Variants in SOX5 observed in about 807,000 individuals in gnomAD.
SOX5 encodes SRY-box transcription factor 5, also known as transcription factor SOX-5.
A neutral mutation model predicts 92.0 loss-of-function variants in SOX5; 9 were observed. That is an observed-to-expected ratio of 0.10 (90% CI 0.06 to 0.17). The LOEUF (loss-of-function observed/expected upper bound fraction) is 0.17, where lower values mean the gene tolerates loss of function less well. Among genes scored for constraint, SOX5 ranks in the 10% least tolerant of loss-of-function variants. The pLI is 1.00. For missense variants in SOX5, 642 were observed against 944.5 expected (o/e 0.68, Z 4.20); for synonymous variants, 344 against 336.3 (o/e 1.02, Z -0.25).
At chr12:23,847,524 G>A (rs572642094) in intron 2 of SOX5, among the ~76,000 whole-genome samples, 3 of 151,914 alleles carry the variant, frequency 2.0e-5, no homozygotes, top group Admixed American at 2.0e-4. Context: ...GTGTAATTTT[G>A]AAAAATAGAT....
At chr12:23,924,074 T>TA (rs1363123094) in intron 1 of SOX5, among the ~76,000 whole-genome samples, 1 of 152,174 alleles carries the variant, frequency 6.6e-6, no homozygotes, top group Non-Finnish European at 1.5e-5. Context: ...AAATGTTGCC[T>TA]AAAAAAGGCT....
chr12:24,543,117 T>C (rs1244683167), intron 1 of SOX5, among the ~76,000 whole-genome samples: 3 of 152,204 alleles, frequency 2.0e-5, no homozygotes, highest in African/African-American at 7.2e-5. Flanking sequence ...TTTGTGATTT[T>C]TAAAAGAATG....
At chr12:24,506,782 G>GTTTTTTTTTTTTTTTTTTTTTT (rs1386116375) in intron 1 of SOX5, among the ~76,000 whole-genome samples, 2 of 80,274 alleles carry the variant, frequency 2.5e-5, no homozygotes, top group Middle Eastern at 7.5e-3. Context: ...TATCCAAATG[G>GTTTTTTTTTTTTTTTTTTTTTT]TCTTTTTTTT....
intron 1 of SOX5, among the ~76,000 whole-genome samples, chr12:24,418,288 C>A (rs868770752): frequency 1.3e-5 from 2 of 152,194 alleles, no homozygotes; most frequent in Admixed American, 6.5e-5. Context: ...TGACTCCAAA[C>A]CCTGAAGTAG....
intron 1 of SOX5, among the ~76,000 whole-genome samples, chr12:23,923,231 G>A (rs1222234910): frequency 6.6e-6 from 1 of 152,044 alleles, no homozygotes; most frequent in Non-Finnish European, 1.5e-5. Context: ...GATTACAGGC[G>A]TGAGCCTCCA....
At position 24,400,208 on chromosome 12, in the gene SOX5, T is replaced by G. The variant is rs149921705; in HGVS notation, c.-250-31569A>C. ...TTAGAAGTCAAATTTCAGTTGAAAC[T>G]TTCAAGATAGATGGCACAATCTCTG... is the stretch of plus-strand genomic sequence containing the variant. On this transcript the variant is annotated intron_variant, in intron 1 of 4. Coordinates refer to the SOX5 transcript ENST00000446891. 2.8e-3 allele frequency among the ~76,000 whole-genome samples: 425 copies of G among 152,352 alleles called. 2 individuals carry two copies. Among genetic ancestry groups the G allele is most frequent in the Non-Finnish European group, 2.6e-3 (174 of 68,032 alleles).
intron 4 of SOX5, among the ~76,000 whole-genome samples, chr12:24,073,952 A>G: frequency 6.6e-6 from 1 of 152,138 alleles, no homozygotes; most frequent in East Asian, 1.9e-4. Flanking sequence ...GACAGAGAAA[A>G]GGTGAGACTT....
At chr12:23,555,002 C>G (rs1208677648) in intron 11 of SOX5, among the ~76,000 whole-genome samples, 2 of 151,978 alleles carry the variant, frequency 1.3e-5, no homozygotes, top group Non-Finnish European at 2.9e-5. Flanking sequence ...ATAGGCTAGG[C>G]TTTTATAAAG....
chr12:23,538,569 T>TA (rs1313841551), intron 13 of SOX5, among the ~76,000 whole-genome samples: 4 of 152,160 alleles, frequency 2.6e-5, no homozygotes, highest in African/African-American at 9.7e-5. Flanking sequence ...AGGGCCTATA[T>TA]AAACACAGAT....
At chr12:24,476,105 T>G (rs1455184737) in intron 1 of SOX5, among the ~76,000 whole-genome samples, 4 of 152,100 alleles carry the variant, frequency 2.6e-5, no homozygotes, top group African/African-American at 4.8e-5. Flanking sequence ...ACAAGCATGG[T>G]GTGGGGACCA....
intron 1 of SOX5, among the ~76,000 whole-genome samples, chr12:23,911,625 C>T (rs2097352761): frequency 1.3e-5 from 2 of 151,970 alleles, no homozygotes; most frequent in African/African-American, 4.8e-5. Context: ...CTTACAGTTC[C>T]TTGCAGAGCA....
chr12:23,884,554 G>C lies in SOX5; in HGVS notation c.270+11239C>G, dbSNP rs573285393. On this transcript the variant is annotated intron_variant, in intron 2 of 14. Coordinates refer to ENST00000451604, the MANE Select transcript of SOX5 (RefSeq NM_006940.6). ...AGGGTAAAATAAAAAATCAAGTAAA[G>C]ATTGTTCTACCTGCCTCCCCCACAA... 2.0e-5 allele frequency among the ~76,000 whole-genome samples: 3 copies of C among 152,212 alleles called. 1 individual carries two copies. The highest frequency in any genetic ancestry group is 4.1e-4 in the South Asian group (2 of 4,830).
intron 1 of SOX5, among the ~76,000 whole-genome samples, chr12:24,380,745 G>A (rs2136354964): frequency 6.6e-6 from 1 of 152,254 alleles, no homozygotes; most frequent in Admixed American, 6.5e-5. Flanking sequence ...TTTTTTTAAA[G>A]GAGGGCACAA....
At chr12:23,833,779 G>A (rs1186526348) in intron 3 of SOX5, among the ~76,000 whole-genome samples, 1 of 151,938 alleles carries the variant, frequency 6.6e-6, no homozygotes, top group African/African-American at 2.4e-5. Context: ...GAAGATTGGA[G>A]AAGATGGAAT....
intron 1 of SOX5, among the ~76,000 whole-genome samples, chr12:24,432,698 G>A (rs1223215652): frequency 2.0e-5 from 3 of 152,086 alleles, no homozygotes; most frequent in Non-Finnish European, 4.4e-5. Context: ...TGTAATCCTA[G>A]CTATTAGGAA....
chr12:24,157,447 T>C (rs1952301693), intron 4 of SOX5, among the ~76,000 whole-genome samples: 2 of 152,124 alleles, frequency 1.3e-5, no homozygotes, highest in Admixed American at 1.3e-4. Context: ...ACAACTTATA[T>C]AGTCACAACT....
chr12:24,232,673 T>G (rs761975375), intron 3 of SOX5, among the ~76,000 whole-genome samples: 4 of 152,184 alleles, frequency 2.6e-5, no homozygotes, highest in Non-Finnish European at 5.9e-5. Flanking sequence ...TGGTTAGATA[T>G]CTTGGCAAAG....
chr12:24,495,806 T>A (rs184587388), intron 1 of SOX5, among the ~76,000 whole-genome samples: 13 of 152,128 alleles, frequency 8.5e-5, no homozygotes. Context: ...ACCACAAGGA[T>A]GGGGGAGGGT....
intron 2 of SOX5, among the ~76,000 whole-genome samples, chr12:24,321,546 A>T (rs1175469051): frequency 6.6e-6 from 1 of 152,238 alleles, no homozygotes; most frequent in Non-Finnish European, 1.5e-5. Context: ...AGATATTTTT[A>T]AAAAGTTCAA....
Sources: allele counts gnomAD v4.1 joint callset (sites outside exome capture counted in the v4.1 genomes callset), GRCh38; gene constraint gnomAD v4.1.1; transcripts MANE v1.5; gene names NCBI Gene and HGNC (gene_info 2026-07-23, HGNC 2026-07-21).